The following MAPKBP1 variants were observed in gnomAD, a reference collection of about 807,000 sequenced individuals.
The protein encoded by MAPKBP1 is mitogen-activated protein kinase binding protein 1.
MAPKBP1 carries 71 observed loss-of-function variants against 170.5 expected under a neutral mutation model. The ratio of observed to expected loss-of-function variants is 0.42; its 90% CI spans 0.34 to 0.51. MAPKBP1 has a LOEUF of 0.51. Ranked by LOEUF, MAPKBP1 falls within the 20% of genes least tolerant of loss-of-function variation. The pLI, the probability that MAPKBP1 is intolerant of heterozygous loss-of-function variation, is 0.06. For missense variants in MAPKBP1, 1,598 were observed against 1,933.0 expected, an observed-to-expected ratio of 0.83 and a Z score of 3.25; for synonymous variants, 719 against 757.9, an observed-to-expected ratio of 0.95 and a Z score of 0.84.
chr15:41,780,350 G>T (rs571055142), intron 2 of MAPKBP1, among the ~76,000 whole-genome samples: 1 of 152,284 alleles, frequency 6.6e-6, no homozygotes, highest in African/African-American at 2.4e-5. Flanking sequence ...CCAACCCTCT[G>T]AGTCTGAAGT....
chr15:41,819,150 C>T (rs1014685100), intron 20 of MAPKBP1, 96 bp from the exon 21 acceptor site: 2 of 1,494,716 alleles, frequency 1.3e-6, no homozygotes, highest in Non-Finnish European at 1.8e-6. Flanking sequence ...GTCTCATCTT[C>T]CCCTCATTGA....
chr15:41,819,557 G>GGGGGGGCCGCCCC, intron 21 of MAPKBP1, 38 bp from the exon 22 acceptor site: 1 of 1,384,688 alleles, frequency 7.2e-7, no homozygotes, highest in Non-Finnish European at 1.0e-6. Context: ...CGGGGGGGGG[G>GGGGGGGCCGCCCC]CAGGAGACAC....
rs751407921 is a variant in MAPKBP1 at position 41,821,579 on chromosome 15, C to A, written c.2719-5C>A. The A allele has an allele frequency of 6.8e-6, 11 of 1,611,570 alleles. No individual in the cohort carries two copies. The African/African-American group carries it at 1.5e-4, about 22-fold the overall frequency. ...CTCTGTTAACATCCCTTTGTGTGTT[C>A]CCAGAATGAAAAGCCCCCTCGGCCT... On this transcript the variant is annotated splice_region_variant and splice_polypyrimidine_tract_variant and intron_variant, in intron 23 of 30. Transcript: ENST00000457542.
chr15:41,816,201 G>C, intron 12 of MAPKBP1: 1 of 355,228 alleles, frequency 2.8e-6, no homozygotes, highest in Non-Finnish European at 5.1e-6. Flanking sequence ...AACTGTTACA[G>C]ACCACAGAAG....
intron 2 of MAPKBP1, among the ~76,000 whole-genome samples, chr15:41,776,712 C>T (rs558711569): frequency 1.8e-4 from 28 of 152,236 alleles, no homozygotes; most frequent in African/African-American, 6.3e-4. Context: ...CTTTTTCTGG[C>T]CAGGAATGAT....
At chr15:41,789,922 G>A (rs1172453708) in intron 2 of MAPKBP1, among the ~76,000 whole-genome samples, 3 of 152,154 alleles carry the variant, frequency 2.0e-5, no homozygotes, top group Non-Finnish European at 4.4e-5. Context: ...GTAGCATTCT[G>A]TTGGTGCTAG....
chr15:41,784,279 TA>T (rs1780917974), intron 2 of MAPKBP1, among the ~76,000 whole-genome samples: 1 of 152,190 alleles, frequency 6.6e-6, no homozygotes, highest in African/African-American at 2.4e-5. Flanking sequence ...GTAAGGCCCG[TA>T]CAGCAGCTGT....
intron 2 of MAPKBP1, among the ~76,000 whole-genome samples, chr15:41,778,553 A>G (rs897888401): frequency 6.6e-6 from 1 of 152,194 alleles, no homozygotes; most frequent in Non-Finnish European, 1.5e-5. Flanking sequence ...AGTGGAGTAC[A>G]TTGGAAAAGA....
At chr15:41,793,944 A>C (rs574912787) in intron 2 of MAPKBP1, among the ~76,000 whole-genome samples, 22 of 152,246 alleles carry the variant, frequency 1.4e-4, no homozygotes, top group Non-Finnish European at 1.3e-4. Context: ...ACAAACACAG[A>C]TATTTGGCCG....
intron 2 of MAPKBP1, among the ~76,000 whole-genome samples, chr15:41,794,218 C>T (rs2064445380): frequency 6.6e-6 from 1 of 152,068 alleles, no homozygotes; most frequent in Non-Finnish European, 1.5e-5. Context: ...GGTGACAGAG[C>T]AAGACTTGTC....
At position 41,815,285 on chromosome 15, in the gene MAPKBP1, C is replaced by A; in HGVS notation, c.1197C>A (p.Asn399Lys). ...VEVYPEVKDS[N>K]QACLPPSSFI... ...TCTACCCCGAGGTGAAGGATAGTAA[C>A]CAGGCCTGCCTGCCCCCCAGTTCCT... is the stretch of plus-strand genomic sequence containing the variant. The change falls in exon 11 of 31, where the codon AAC becomes AAA. Residue 399 changes from asparagine (N) to lysine (K), a missense_variant. Coordinates refer to ENST00000457542, the MANE Select transcript of MAPKBP1 (RefSeq NM_014994.3). The A allele has an allele frequency of 6.2e-7, 1 of 1,614,218 alleles. No individual in the cohort carries two copies. Among genetic ancestry groups the A allele is most frequent in the Non-Finnish European group, 8.5e-7 (1 of 1,180,040 alleles).
At chr15:41,811,731 G>A (rs1376768022) in intron 5 of MAPKBP1, 13 of 685,168 alleles carry the variant, frequency 1.9e-5, no homozygotes, top group Middle Eastern at 2.3e-4. Context: ...AAGTACAGAC[G>A]GCCACCCAGA....
chr15:41,796,311 C>A (rs949850861), intron 2 of MAPKBP1, among the ~76,000 whole-genome samples: 2 of 152,156 alleles, frequency 1.3e-5, no homozygotes, highest in Non-Finnish European at 2.9e-5. Context: ...TCTCCATCTT[C>A]TAGGGCAGGT....
rs2064079980 is a variant in MAPKBP1, at chr15:41,775,374, G to A, written c.99G>A (p.Glu33=). The A allele has an allele frequency of 3.7e-6, 6 of 1,613,902 alleles. No homozygotes were observed. The Admixed American group carries it at 1.0e-4, about 27-fold the overall frequency. The change falls in exon 2 of 31, where the codon GAG becomes GAA. Residue 33 remains glutamate, a synonymous_variant. Coordinates refer to ENST00000457542, the MANE Select transcript of MAPKBP1 (RefSeq NM_014994.3). ...GGAGTAAGGCAGGAAACCGACGAGAGGACCTCAGCTCCAAGGTGAGTCCTG... is the reference window on the plus strand; with the variant it reads ...GGAGTAAGGCAGGAAACCGACGAGAAGACCTCAGCTCCAAGGTGAGTCCTG... The part of the protein sequence containing the change: ...LRRSKAGNRR[E]DLSSKVTLEK...
intron 2 of MAPKBP1, among the ~76,000 whole-genome samples, chr15:41,791,102 A>G (rs936715896): frequency 6.6e-6 from 1 of 152,168 alleles, no homozygotes; most frequent in Non-Finnish European, 1.5e-5. Context: ...CAGGTCTCTG[A>G]CATGCTTGTT....
At position 41,775,428 on chromosome 15, in the gene MAPKBP1, C is replaced by T. The variant is rs895878709; in HGVS notation, c.114+39C>T. 6 of 1,426,854 alleles carry T rather than the reference C, an allele frequency of 4.2e-6. No individual in the cohort carries two copies. The East Asian group carries it at 9.1e-5, about 22-fold the overall frequency. 88.4% of individuals were successfully genotyped at this position (1,426,854 alleles called of 1,614,324 possible). A position where few individuals can be genotyped will look rare whatever the true frequency, so the allele number is the denominator to read the frequency against. On this transcript the variant is annotated intron_variant, in intron 2 of 30. Coordinates refer to ENST00000457542, the MANE Select transcript of MAPKBP1 (RefSeq NM_014994.3). ...GGATCCACCTCTTTCCAAACCCACC[C>T]TCTCCTGCTCCATGTTCCTCGTTAA...
In MAPKBP1 at chr15:41,818,845, A is replaced by G; in HGVS notation, c.2179A>G (p.Ser727Gly). ...CAGCTGCATATTTGTGTGGCGCCTG[A>G]GCTCTGAGATGACCATCAGCATGAG... ...GDSCIFVWRLSSEMTISMRQR... is the reference protein window; with the variant it reads ...GDSCIFVWRLGSEMTISMRQR... Residue 727 changes from serine (S) to glycine (G), a missense_variant, in exon 20 of 31, where the codon AGC becomes GGC. Around this residue, in one of 6 missense-constraint regions of MAPKBP1, gnomAD observed 63 missense variants for 115.2 expected, o/e 0.55. Coordinates refer to ENST00000457542, the MANE Select transcript of MAPKBP1 (RefSeq NM_014994.3). The surrounding 1 kb of genome is among the most constrained non-coding windows in gnomAD (Gnocchi z 5.2). 6.2e-7 allele frequency: 1 copy of G among 1,614,146 alleles called. No individual in the cohort carries two copies. Among genetic ancestry groups the G allele is most frequent in the African/African-American group, 1.3e-5 (1 of 75,052 alleles).
intron 5 of MAPKBP1, chr15:41,811,589 C>T (rs1311853606): frequency 3.3e-6 from 2 of 614,210 alleles, no homozygotes; most frequent in Non-Finnish European, 6.1e-6. Flanking sequence ...CCCGGGGGCC[C>T]CCTGCTGGGC....
chr15:41,775,357 G>T lies in MAPKBP1; in HGVS notation c.82G>T (p.Ala28Ser). ...SPSIKLRRSK[A>S]GNRREDLSSK... ...ATCCATCAAACTGCGCAGGAGTAAG[G>T]CAGGAAACCGACGAGAGGACCTCAG... Residue 28 changes from alanine (A) to serine (S), a missense_variant, in exon 2 of 31, where the codon GCA becomes TCA. Around this residue, in one of 6 missense-constraint regions of MAPKBP1, gnomAD observed 151 missense variants for 191.4 expected, o/e 0.79. Coordinates refer to ENST00000457542, the MANE Select transcript of MAPKBP1 (RefSeq NM_014994.3). 1 of 1,614,196 alleles carries T rather than the reference G, an allele frequency of 6.2e-7. No homozygotes were observed. Among genetic ancestry groups the T allele is most frequent in the Non-Finnish European group, 8.5e-7 (1 of 1,180,036 alleles).
Sources: gnomAD v4.1 joint callset for allele counts (sites outside exome capture counted in the v4.1 genomes callset) on GRCh38, gnomAD v4.1.1 for gene constraint, gnomAD v4.1.1 regional missense constraint, Gnocchi (gnomAD v3.1) non-coding constraint, MANE v1.5 for transcripts, NCBI Gene and HGNC (gene_info 2026-07-23, HGNC 2026-07-21) for gene names.